SGPP2: variants seen among roughly 807,000 people sequenced by gnomAD.
SGPP2 encodes sphingosine-1-phosphate phosphatase 2, also known as sphingosine 1-phosphate phosphohydrolase 2.
SGPP2 carries 30 observed loss-of-function variants against 33.9 expected under a neutral mutation model. The observed-to-expected ratio is 0.89, with a 90% CI of 0.66 to 1.20. The LOEUF is 1.20. SGPP2 is among the 50% of genes most tolerant of loss of function. The pLI, the probability that SGPP2 is intolerant of heterozygous loss-of-function variation, is 0.00. For missense variants in SGPP2, 458 were observed against 532.1 expected (o/e 0.86, Z 1.37); for synonymous variants, 233 against 225.0 (o/e 1.04, Z -0.32).
intron 1 of SGPP2, among the ~76,000 whole-genome samples, chr2:222,457,604 TG>T (rs765620075): frequency 1.2e-4 from 18 of 152,344 alleles, no homozygotes; most frequent in Non-Finnish European, 2.2e-4. Flanking sequence ...TGTGTCTTCA[TG>T]TGACCTGGAA....
intron 2 of SGPP2, among the ~76,000 whole-genome samples, chr2:222,494,961 G>A (rs1698253906): frequency 6.6e-6 from 1 of 152,292 alleles, no homozygotes; most frequent in Non-Finnish European, 1.5e-5. Context: ...GAACCCGGGA[G>A]GTGGAGGTAG....
chr2:222,537,099 G>T (rs537443179), intron 4 of SGPP2, among the ~76,000 whole-genome samples: 2 of 152,306 alleles, frequency 1.3e-5, no homozygotes, highest in African/African-American at 4.8e-5. Flanking sequence ...AATGTGTCAG[G>T]GGCAAACTGT....
At chr2:222,495,971 C>T (rs899778199) in intron 2 of SGPP2, among the ~76,000 whole-genome samples, 4 of 152,180 alleles carry the variant, frequency 2.6e-5, no homozygotes, top group Non-Finnish European at 5.9e-5. Flanking sequence ...ATCCAGTTCT[C>T]CTGAGCCTTG....
intron 3 of SGPP2, among the ~76,000 whole-genome samples, chr2:222,522,732 G>T (rs1213962665): frequency 1.3e-5 from 2 of 152,202 alleles, no homozygotes. Flanking sequence ...GGGCTGGAGT[G>T]CAGTGGCGCC....
At chr2:222,447,658 G>A (rs1697417874) in intron 1 of SGPP2, among the ~76,000 whole-genome samples, 1 of 152,140 alleles carries the variant, frequency 6.6e-6, no homozygotes, top group African/African-American at 2.4e-5. Flanking sequence ...TGAGAAGTGA[G>A]AAGAACTATG....
intron 1 of SGPP2, among the ~76,000 whole-genome samples, chr2:222,432,236 G>C (rs1697168390): frequency 6.6e-6 from 1 of 152,206 alleles, no homozygotes; most frequent in Non-Finnish European, 1.5e-5. Context: ...TTAAGAAATA[G>C]TGATGTTAGA....
chr2:222,455,515 G>T (rs1026038910), intron 1 of SGPP2, among the ~76,000 whole-genome samples: 2 of 152,160 alleles, frequency 1.3e-5, no homozygotes, highest in Non-Finnish European at 2.9e-5. Context: ...GAGGAGCAGA[G>T]GTCAGATCTC....
At chr2:222,539,227 G>A (rs1300256630) in intron 4 of SGPP2, among the ~76,000 whole-genome samples, 1 of 152,192 alleles carries the variant, frequency 6.6e-6, no homozygotes, top group Non-Finnish European at 1.5e-5. Flanking sequence ...AAAGAAAGGG[G>A]CCGCAGTCTG....
chr2:222,558,365 C>T lies in SGPP2; in HGVS notation c.667C>T (p.Leu223=), dbSNP rs557364629. 1.2e-6 allele frequency: 2 copies of T among 1,614,110 alleles called. No individual in the cohort carries two copies. Among genetic ancestry groups the T allele is most frequent in the Admixed American group, 3.3e-5 (2 of 60,020 alleles). The stretch of plus-strand genomic sequence containing the variant: ...CCCAAAGGATGTGCTGGGTGGCGTC[C>T]TGATCACCGCACTCCTCATCGTCCT... ...HTVLDVLGGV[L]ITALLIVLTY... is the part of the protein sequence containing the mutation. The change falls in exon 5 of 5, where the codon CTG becomes TTG. Residue 223 remains leucine, a synonymous_variant. Coordinates refer to ENST00000321276, the MANE Select transcript of SGPP2 (RefSeq NM_152386.4).
At chr2:222,424,849 A>G (rs1355336585) in intron 1 of SGPP2, 28 bp downstream of exon 1, 4 of 1,312,012 alleles carry the variant, frequency 3.0e-6, no homozygotes. Context: ...TTCGCCGGGT[A>G]CGGGGAGGGG....
chr2:222,443,301 G>A (rs1697353265), intron 1 of SGPP2, among the ~76,000 whole-genome samples: 1 of 151,914 alleles, frequency 6.6e-6, no homozygotes, highest in Non-Finnish European at 1.5e-5. Context: ...CTGAGGTCTG[G>A]GTGTCTAACG....
chr2:222,555,445 GT>G (rs57228014), intron 4 of SGPP2, among the ~76,000 whole-genome samples: 4,401 of 85,794 alleles, frequency 0.051, 82 homozygotes, highest in African/African-American at 0.083. Flanking sequence ...TCTTTTATCC[GT>G]TTTTTTTTTT....
At chr2:222,541,665 G>T (rs1365254560) in intron 4 of SGPP2, among the ~76,000 whole-genome samples, 1 of 151,920 alleles carries the variant, frequency 6.6e-6, no homozygotes, top group East Asian at 1.9e-4. Context: ...CCAGGCTGGA[G>T]TGCGGTGGCG....
chr2:222,441,155 C>T (rs1301964909), intron 1 of SGPP2, among the ~76,000 whole-genome samples: 1 of 152,164 alleles, frequency 6.6e-6, no homozygotes, highest in African/African-American at 2.4e-5. Context: ...ACTGTATTCT[C>T]AATGGTGAGG....
At chr2:222,464,292 T>C (rs1162591615) in intron 1 of SGPP2, among the ~76,000 whole-genome samples, 1 of 152,238 alleles carries the variant, frequency 6.6e-6, no homozygotes, top group Non-Finnish European at 1.5e-5. Flanking sequence ...TTTCTGTTCT[T>C]TGTATCGATG....
chr2:222,462,038 C>T (rs1393577291), intron 1 of SGPP2, among the ~76,000 whole-genome samples: 4 of 152,092 alleles, frequency 2.6e-5, no homozygotes, highest in East Asian at 1.9e-4. Flanking sequence ...GTCCCCAGGT[C>T]GTTCTTTATT....
chr2:222,463,847 A>T (rs558165601), intron 1 of SGPP2, among the ~76,000 whole-genome samples: 10 of 152,350 alleles, frequency 6.6e-5, no homozygotes, highest in African/African-American at 2.4e-4. Flanking sequence ...TAATTTTCTT[A>T]CATTTTTGGC....
intron 4 of SGPP2, among the ~76,000 whole-genome samples, chr2:222,537,112 G>A (rs1698927712): frequency 6.6e-6 from 1 of 152,218 alleles, no homozygotes; most frequent in African/African-American, 2.4e-5. Flanking sequence ...CAAACTGTGT[G>A]CCTCAGCCAG....
At chr2:222,451,140 GAAA>G (rs5838950) in intron 1 of SGPP2, among the ~76,000 whole-genome samples, 5 of 131,138 alleles carry the variant, frequency 3.8e-5, no homozygotes, top group African/African-American at 1.4e-4. Context: ...TACAAAAAGA[GAAA>G]AAAAAAAAAA....
Sources: allele counts gnomAD v4.1 joint callset (sites outside exome capture counted in the v4.1 genomes callset), GRCh38; gene constraint gnomAD v4.1.1; transcripts MANE v1.5; gene names NCBI Gene and HGNC (gene_info 2026-07-23, HGNC 2026-07-21).